Variants in CHL1 observed in about 807,000 individuals in gnomAD.
The protein encoded by CHL1 is neural cell adhesion molecule L1-like protein.
Under a neutral mutation model 141.9 loss-of-function variants are expected in CHL1, and 96 were observed. That is an observed-to-expected ratio of 0.68 (90% CI 0.57 to 0.80). The LOEUF is 0.80. CHL1 is among the 30% of genes least tolerant of loss of function. CHL1 has a pLI of 0.00. For synonymous variants in CHL1, 613 were observed against 502.2 expected (o/e 1.22, Z -2.95); for missense variants, 1,820 against 1,457.2 (o/e 1.25, Z -4.05).
At chr3:329,235 T>C (rs1462922989) in intron 5 of CHL1, among the ~76,000 whole-genome samples, 1 of 152,076 alleles carries the variant, frequency 6.6e-6, no homozygotes, top group Non-Finnish European at 1.5e-5. Context: ...AGTATAAAAC[T>C]GTCAGCCAGC....
At chr3:357,388 C>T (rs1703814664) in intron 11 of CHL1, among the ~76,000 whole-genome samples, 1 of 152,220 alleles carries the variant, frequency 6.6e-6, no homozygotes. Context: ...GATTATCGGA[C>T]TAACCCTTTT....
intron 2 of CHL1, among the ~76,000 whole-genome samples, chr3:307,280 A>G (rs1699323863): frequency 6.6e-6 from 1 of 152,248 alleles, no homozygotes; most frequent in South Asian, 2.1e-4. Flanking sequence ...AAATGTACAC[A>G]TATGCTCATA....
intron 5 of CHL1, among the ~76,000 whole-genome samples, chr3:337,742 C>T (rs1441786672): frequency 6.6e-6 from 1 of 152,168 alleles, no homozygotes; most frequent in African/African-American, 2.4e-5. Context: ...ATATGTGCCA[C>T]ATTTTCTTAA....
At chr3:238,613 G>A (rs1398264863) in intron 1 of CHL1, among the ~76,000 whole-genome samples, 1 of 152,066 alleles carries the variant, frequency 6.6e-6, no homozygotes, top group East Asian at 1.9e-4. Context: ...TCAAAATCTT[G>A]CATAAAACAT....
rs767382114 is a variant in CHL1, at chr3:340,886, C to T, written c.478C>T (p.Pro160Ser). Reference sequence around the variant, plus strand: ...CCCATGCAATCCTCCCAAAGGCCTCCCACCTTTACACATTTATTGGATGAA... The same window carrying T: ...CCCATGCAATCCTCCCAAAGGCCTCTCACCTTTACACATTTATTGGATGAA... ...VLPCNPPKGLPPLHIYWMNIE... is the reference protein window; with the variant it reads ...VLPCNPPKGLSPLHIYWMNIE... The change falls in exon 6 of 28, where the codon CCA (proline) becomes TCA (serine). Residue 160 changes from proline (P) to serine (S), a missense_variant. Transcript: ENST00000256509. The T allele has an allele frequency of 8.7e-6, 14 of 1,612,716 alleles. No homozygotes were observed. In the East Asian group the frequency reaches 2.9e-4, roughly 33 times the overall value.
chr3:324,971 A>AT (rs1271965852), intron 3 of CHL1, among the ~76,000 whole-genome samples: 1 of 151,974 alleles, frequency 6.6e-6, no homozygotes, highest in African/African-American at 2.4e-5. Context: ...AGGAGGGGAT[A>AT]TTTGAATATG....
chr3:267,728 G>A (rs529106786), intron 2 of CHL1, among the ~76,000 whole-genome samples: 105 of 152,230 alleles, frequency 6.9e-4, no homozygotes, highest in African/African-American at 2.3e-3. Context: ...GTTGCATGAA[G>A]CTCAAGAAAA....
chr3:213,465 G>T (rs1700058820), intron 1 of CHL1: 1 of 152,148 alleles, frequency 6.6e-6, no homozygotes, highest in Non-Finnish European at 1.5e-5. Context: ...GAAATAGATA[G>T]ACTTTCTGGC....
rs5845955 is a variant in CHL1, at chr3:239,595, A to ATATATAT, written c.-174-5018_-174-5017insTATATAT. On this transcript the variant is annotated intron_variant, in intron 1 of 27. Transcript: ENST00000256509. ...TAATTCATCTAAACAGTATATATATAAAATATATATATTTTAAAATTATTT... is the reference window on the plus strand; with the variant it reads ...TAATTCATCTAAACAGTATATATATATATATATAAATATATATATTTTAAAATTATTT... Among the ~76,000 whole-genome samples the ATATATAT allele has an allele frequency of 1.8e-3, 266 of 146,320 alleles. 1 individual carries two copies. Among genetic ancestry groups the ATATATAT allele is most frequent in the African/African-American group, 4.5e-3 (180 of 39,966 alleles).
At position 390,645 on chromosome 3, in the gene CHL1, C is replaced by G. The variant is rs867644682; in HGVS notation, c.2471-56C>G. On this transcript the variant is annotated intron_variant, in intron 20 of 27. Transcript: ENST00000256509. ...CATTATGAAAATTTTTGAAAAGGAT[C>G]CTAACAATCACATTTGCAGGTTATT... 29 of 1,040,444 alleles carry G rather than the reference C, an allele frequency of 2.8e-5. No homozygotes were observed. In the Middle Eastern group the frequency reaches 2.4e-3, roughly 85 times the overall value. The allele number at this position is 1,040,444 out of a possible 1,614,324, so 64.5% of individuals were successfully genotyped here.
chr3:252,361 GATATATATATATAT>G (rs71058760), intron 2 of CHL1, among the ~76,000 whole-genome samples: 1,850 of 54,308 alleles, frequency 0.034, 44 homozygotes, highest in Middle Eastern at 0.059. Flanking sequence ...AAAGCATCCA[GATATATATATATAT>G]ATATATATAT....
At chr3:303,397 T>A (rs1698937591) in intron 2 of CHL1, among the ~76,000 whole-genome samples, 2 of 152,240 alleles carry the variant, frequency 1.3e-5, no homozygotes, top group Non-Finnish European at 2.9e-5. Context: ...TTTCTATTTG[T>A]GTCTTCTCTT....
At chr3:375,597 C>G (rs890813219) in intron 15 of CHL1, among the ~76,000 whole-genome samples, 2 of 151,724 alleles carry the variant, frequency 1.3e-5, no homozygotes, top group Non-Finnish European at 2.9e-5. Context: ...CATTAAAACA[C>G]CAACCATGAG....
chr3:369,654 G>C (rs191951372), intron 15 of CHL1, among the ~76,000 whole-genome samples: 7 of 152,216 alleles, frequency 4.6e-5, no homozygotes, highest in Non-Finnish European at 1.0e-4. Context: ...AGTGGTGAGA[G>C]AGGGCATCCT....
At chr3:246,613 G>T (rs1693198321) in intron 2 of CHL1, 1 of 151,894 alleles carries the variant, frequency 6.6e-6, no homozygotes, top group African/African-American at 2.4e-5. Flanking sequence ...AACCTCTCAA[G>T]AATTTTAAAA....
At chr3:265,376 C>A (rs1238157922) in intron 2 of CHL1, among the ~76,000 whole-genome samples, 1 of 152,184 alleles carries the variant, frequency 6.6e-6, no homozygotes, top group East Asian at 1.9e-4. Flanking sequence ...TATAACATTT[C>A]TATAATATCA....
intron 16 of CHL1, among the ~76,000 whole-genome samples, 162 bp from the exon 17 acceptor site, chr3:382,017 T>A (rs1707100266): frequency 7.7e-6 from 1 of 129,062 alleles, no homozygotes; most frequent in Admixed American, 9.1e-5. Context: ...CCCTTGAAAC[T>A]CCACCTTTCC....
At chr3:369,773 T>C (rs1298609481) in intron 15 of CHL1, among the ~76,000 whole-genome samples, 1 of 152,240 alleles carries the variant, frequency 6.6e-6, no homozygotes, top group Non-Finnish European at 1.5e-5. Context: ...ATGTGTTCCA[T>C]CAATAACTAG....
At chr3:289,265 A>C (rs1697446680) in intron 2 of CHL1, among the ~76,000 whole-genome samples, 1 of 152,220 alleles carries the variant, frequency 6.6e-6, no homozygotes, top group East Asian at 1.9e-4. Flanking sequence ...TCTTAAAGAC[A>C]TAAAAACTTG....
Sources: allele counts gnomAD v4.1 joint callset (sites outside exome capture counted in the v4.1 genomes callset), GRCh38; gene constraint gnomAD v4.1.1; transcripts MANE v1.5; gene names NCBI Gene and HGNC (gene_info 2026-07-23, HGNC 2026-07-21).